Variants in ABCA13 observed in about 807,000 individuals in gnomAD.
The protein encoded by ABCA13 is ATP-binding cassette sub-family A member 13.
A neutral mutation model predicts 478.7 loss-of-function variants in ABCA13; 476 were observed. The ratio of observed to expected loss-of-function variants is 0.99; its 90% CI spans 0.92 to 1.07. ABCA13 has a LOEUF of 1.07. Ranked by LOEUF, ABCA13 falls within the 50% of genes least tolerant of loss-of-function variation. ABCA13 has a pLI of 0.00. For synonymous variants in ABCA13, 2,252 were observed against 2,158.9 expected, an observed-to-expected ratio of 1.04 and a Z score of -1.20; for missense variants, 6,060 against 5,910.6, an observed-to-expected ratio of 1.03 and a Z score of -0.83.
In ABCA13 at chr7:48,410,381, G is replaced by T. The variant is rs983143070; in HGVS notation, c.12071-139G>T. 3.9e-6 allele frequency: 4 copies of T among 1,023,438 alleles called. No homozygotes were observed. The South Asian group carries it at 4.4e-5, about 11-fold the overall frequency. 63.4% of individuals were successfully genotyped at this position (1,023,438 alleles called of 1,614,324 possible). A position where few individuals can be genotyped will look rare whatever the true frequency, so the allele number is the denominator to read the frequency against. Reference sequence around the variant, plus strand: ...CTCGAATTGGCAAAGTGGCCAGGACGCATTTCAATTTTTTTCAGTTTGAAA... The same window carrying T: ...CTCGAATTGGCAAAGTGGCCAGGACTCATTTCAATTTTTTTCAGTTTGAAA... On this transcript the variant is annotated intron_variant, in intron 39 of 61. Coordinates refer to ENST00000435803, the MANE Select transcript of ABCA13 (RefSeq NM_152701.5).
At chr7:48,562,222 G>C (rs1786542032) in intron 55 of ABCA13, among the ~76,000 whole-genome samples, 1 of 151,604 alleles carries the variant, frequency 6.6e-6, no homozygotes, top group African/African-American at 2.4e-5. Flanking sequence ...GGTTGTTTTA[G>C]TGCCACTCTT....
In ABCA13 at chr7:48,245,505, T is replaced by A. The variant is rs1562868742; in HGVS notation, c.1391-7T>A. ...GGTGAATAATAATCAATTTGTCTAC[T>A]TTGCAGAAGTCCTCATTTGCCTGGA... On this transcript the variant is annotated splice_polypyrimidine_tract_variant and splice_region_variant and intron_variant, in intron 11 of 61. Transcript: ENST00000435803. 3 of 1,604,494 alleles carry A rather than the reference T, an allele frequency of 1.9e-6. No homozygotes were observed. Among genetic ancestry groups the A allele is most frequent in the Non-Finnish European group, 2.6e-6 (3 of 1,176,446 alleles).
At chr7:48,394,623 C>T (rs1272803434) in intron 38 of ABCA13, among the ~76,000 whole-genome samples, 1 of 152,168 alleles carries the variant, frequency 6.6e-6, no homozygotes, top group African/African-American at 2.4e-5. Context: ...GGGACGTAGT[C>T]TGTTTGGTTC....
At chr7:48,417,893 T>G (rs1403674054) in intron 41 of ABCA13, among the ~76,000 whole-genome samples, 1 of 152,230 alleles carries the variant, frequency 6.6e-6, no homozygotes, top group Admixed American at 6.5e-5. Flanking sequence ...CATCGTAGTT[T>G]TACCTTTTCC....
chr7:48,396,059 G>T (rs1296820036), intron 38 of ABCA13, among the ~76,000 whole-genome samples: 1 of 152,348 alleles, frequency 6.6e-6, no homozygotes, highest in East Asian at 1.9e-4. Context: ...GCCAGCTGTG[G>T]TGCTAGGCTC....
At chr7:48,496,863 T>G (rs1239920364) in intron 48 of ABCA13, among the ~76,000 whole-genome samples, 1 of 152,120 alleles carries the variant, frequency 6.6e-6, no homozygotes, top group African/African-American at 2.4e-5. Flanking sequence ...TTTTTTTTGT[T>G]GACTTATTAG....
At chr7:48,434,941 A>C (rs1459134762) in intron 42 of ABCA13, among the ~76,000 whole-genome samples, 1 of 151,840 alleles carries the variant, frequency 6.6e-6, no homozygotes, top group African/African-American at 2.4e-5. Flanking sequence ...GAAAGTGGGA[A>C]TTCTCCAAAT....
chr7:48,462,448 C>CCA (rs1257741207), intron 43 of ABCA13, among the ~76,000 whole-genome samples: 1 of 151,746 alleles, frequency 6.6e-6, no homozygotes, highest in Admixed American at 6.6e-5. Flanking sequence ...AGGATTCCCC[C>CCA]CCCCCTACTG....
At chr7:48,371,284 G>C (rs1213281253) in intron 32 of ABCA13, among the ~76,000 whole-genome samples, 1 of 152,068 alleles carries the variant, frequency 6.6e-6, no homozygotes, top group African/African-American at 2.4e-5. Flanking sequence ...GGTTCCATAT[G>C]AATTTTAAAG....
At chr7:48,225,117 C>G (rs1787976077) in intron 5 of ABCA13, among the ~76,000 whole-genome samples, 1 of 100,204 alleles carries the variant, frequency 1.0e-5, no homozygotes, top group Non-Finnish European at 2.2e-5. Flanking sequence ...GCGTGCCTGC[C>G]TGCCTGCCTG....
chr7:48,279,026 ACT>A lies in ABCA13; in HGVS notation c.7835_7836del (p.Ser2612Ter), dbSNP rs1363086560. 1 of 1,613,074 alleles carries A rather than the reference ACT, an allele frequency of 6.2e-7. No homozygotes were observed. Among genetic ancestry groups the A allele is most frequent in the Admixed American group, 1.7e-5 (1 of 59,984 alleles). On this transcript the variant is annotated frameshift_variant, in exon 18 of 62. Transcript: ENST00000435803. LOFTEE classifies it high-confidence loss of function. ...GGGGTAGAACCTTATATATCATCAA[ACT>A]CTGATATTTTCAGTATGTCACCTAG... is the stretch of plus-strand genomic sequence containing the variant.
chr7:48,413,734 A>G (rs1049697901), intron 41 of ABCA13, among the ~76,000 whole-genome samples: 1 of 152,224 alleles, frequency 6.6e-6, no homozygotes, highest in East Asian at 1.9e-4. Context: ...GATAGCCTCC[A>G]TCACAAGTTT....
At position 48,471,698 on chromosome 7, in the gene ABCA13, C is replaced by T. The variant is rs1451883091; in HGVS notation, c.12975+99C>T. 1.8e-5 allele frequency: 21 copies of T among 1,176,648 alleles called. No individual in the cohort carries two copies. In the Admixed American group the frequency reaches 5.8e-4, roughly 32 times the overall value. 72.9% of individuals were successfully genotyped at this position (1,176,648 alleles called of 1,614,324 possible). The stretch of plus-strand genomic sequence containing the variant: ...AAAATTTTCATATTTGTAACTGTGT[C>T]TTTATAACTTTTTGGTTTCCTGGAT... On this transcript the variant is annotated intron_variant, in intron 45 of 61. Coordinates refer to ENST00000435803, the MANE Select transcript of ABCA13 (RefSeq NM_152701.5).
intron 55 of ABCA13, among the ~76,000 whole-genome samples, chr7:48,549,013 C>G (rs1173537700): frequency 6.6e-6 from 1 of 151,578 alleles, no homozygotes; most frequent in Non-Finnish European, 1.5e-5. Context: ...CCAGACAACT[C>G]TAGCCTATTT....
chr7:48,213,968 G>T (rs1786062739), intron 3 of ABCA13, among the ~76,000 whole-genome samples: 1 of 152,134 alleles, frequency 6.6e-6, no homozygotes, highest in Non-Finnish European at 1.5e-5. Flanking sequence ...TTTCTCCACT[G>T]AAGTCTGGAA....
At chr7:48,547,483 G>T (rs1784920790) in intron 55 of ABCA13, among the ~76,000 whole-genome samples, 2 of 151,930 alleles carry the variant, frequency 1.3e-5, no homozygotes, top group Non-Finnish European at 2.9e-5. Flanking sequence ...ATTGACTTCA[G>T]TCGGCCCCAT....
At chr7:48,516,687 A>G (rs1257508782) in intron 51 of ABCA13, 38 bp from the exon 52 acceptor site, 3 of 1,598,820 alleles carry the variant, frequency 1.9e-6, no homozygotes, top group Non-Finnish European at 2.6e-6. Context: ...TGTAAATGTT[A>G]CAGTAAAACA....
intron 61 of ABCA13, 140 bp downstream of exon 61, chr7:48,644,894 A>ACTTATCAT: frequency 1.0e-6 from 1 of 959,128 alleles, no homozygotes; most frequent in Admixed American, 3.1e-5. Flanking sequence ...AAATTATGAT[A>ACTTATCAT]AGGATGGTGA....
rs1171598939 is a variant in ABCA13 at position 48,338,368 on chromosome 7, G to A, written c.10117G>A (p.Ala3373Thr). The A allele has an allele frequency of 6.3e-7, 1 of 1,588,196 alleles. No individual in the cohort carries two copies. Among genetic ancestry groups the A allele is most frequent in the South Asian group, 1.2e-5 (1 of 86,052 alleles). ...SGQMFNQLQE[A>T]LRNKFVRNFV... ...AAGCTATATTATTTTTCTTTAGGAG[G>A]CCCTGAGAAACAAATTTGTAAGAAA... The change falls in exon 29 of 62, where the codon GCC (alanine) becomes ACC (threonine). Residue 3373 changes from alanine (A) to threonine (T), a missense_variant. Physicochemically the swap from Ala to Thr is moderately conservative, Grantham distance 58 (BLOSUM62 0). Around this residue, in one of 3 missense-constraint regions of ABCA13, gnomAD observed 4,423 missense variants for 4,309.1 expected, o/e 1.03. Transcript: ENST00000435803.
Sources: allele counts gnomAD v4.1 joint callset (sites outside exome capture counted in the v4.1 genomes callset), GRCh38; gene constraint gnomAD v4.1.1; regional missense constraint gnomAD v4.1.1; transcripts MANE v1.5; gene names NCBI Gene and HGNC (gene_info 2026-07-23, HGNC 2026-07-21).